Variants in C14orf132 observed in about 807,000 individuals in gnomAD.
C14orf132 encodes the protein uncharacterized protein C14orf132.
A neutral mutation model predicts 5.8 loss-of-function variants in C14orf132; 6 were observed. The ratio of observed to expected loss-of-function variants is 1.03; its 90% CI spans 0.57 to 2.04. C14orf132 has a LOEUF of 2.04. Ranked by LOEUF, C14orf132 falls within the 30% of genes most tolerant of loss-of-function variation. C14orf132 has a pLI of 0.00. For missense variants in C14orf132, 125 were observed against 115.8 expected (o/e 1.08, Z -0.37); for synonymous variants, 51 against 49.8 (o/e 1.02, Z -0.10).
intron 1 of C14orf132, among the ~76,000 whole-genome samples, chr14:96,057,981 C>CTTG (rs1887230714): frequency 2.0e-5 from 3 of 152,230 alleles, no homozygotes; most frequent in South Asian, 4.1e-4. Flanking sequence ...TAACGCCTGC[C>CTTG]TTGCTGTGTG....
intron 1 of C14orf132, among the ~76,000 whole-genome samples, chr14:96,077,744 T>C (rs1261657727): frequency 6.6e-6 from 1 of 152,228 alleles, no homozygotes; most frequent in African/African-American, 2.4e-5. Context: ...TTTGGCAGTT[T>C]GGGTCTGGTC....
At chr14:96,065,622 T>TC (rs1887508453) in intron 1 of C14orf132, among the ~76,000 whole-genome samples, 1 of 151,654 alleles carries the variant, frequency 6.6e-6, no homozygotes, top group African/African-American at 2.4e-5. Flanking sequence ...CATAGTTTTT[T>TC]TCTTGGTACC....
intron 1 of C14orf132, among the ~76,000 whole-genome samples, chr14:96,053,897 G>A (rs759087108): frequency 6.6e-6 from 1 of 152,176 alleles, no homozygotes; most frequent in South Asian, 2.1e-4. Flanking sequence ...ACACTAAAGC[G>A]TCTGTCGCAT....
intron 1 of C14orf132, chr14:96,051,060 T>C (rs2139648680): frequency 2.5e-6 from 1 of 397,608 alleles, no homozygotes; most frequent in Non-Finnish European, 4.4e-6. Context: ...CCAGCCAGCA[T>C]TTCTCTTTCT....
At chr14:96,069,290 T>C (rs1379395453) in intron 1 of C14orf132, among the ~76,000 whole-genome samples, 1 of 133,692 alleles carries the variant, frequency 7.5e-6, no homozygotes, top group Non-Finnish European at 1.6e-5. Context: ...TATATATATA[T>C]ATATATATAT....
chr14:96,081,868 G>A (rs1888040683), intron 1 of C14orf132, among the ~76,000 whole-genome samples: 1 of 152,094 alleles, frequency 6.6e-6, no homozygotes, highest in Non-Finnish European at 1.5e-5. Flanking sequence ...CCAAAGTGCT[G>A]GGATTACAGG....
At chr14:96,081,347 G>A (rs1239733117) in intron 1 of C14orf132, among the ~76,000 whole-genome samples, 2 of 152,164 alleles carry the variant, frequency 1.3e-5, no homozygotes, top group Non-Finnish European at 2.9e-5. Flanking sequence ...TTTTAACTGA[G>A]AAACCTCTGC....
intron 1 of C14orf132, among the ~76,000 whole-genome samples, chr14:96,060,031 C>T (rs543365406): frequency 6.6e-6 from 1 of 152,308 alleles, no homozygotes; most frequent in South Asian, 2.1e-4. Flanking sequence ...TGGGATGCCC[C>T]CCTCCCCTCC....
chr14:96,077,636 C>A (rs1284888299), intron 1 of C14orf132, among the ~76,000 whole-genome samples: 1 of 152,198 alleles, frequency 6.6e-6, no homozygotes. Context: ...GGATGTAAAT[C>A]TCTGCTGTTT....
chr14:96,070,839 G>A (rs1887688201), intron 1 of C14orf132, among the ~76,000 whole-genome samples: 1 of 152,100 alleles, frequency 6.6e-6, no homozygotes, highest in Admixed American at 6.5e-5. Context: ...GGGTGCACCT[G>A]CATCACCTTA....
At chr14:96,057,166 T>C (rs901103226) in intron 1 of C14orf132, among the ~76,000 whole-genome samples, 10 of 152,220 alleles carry the variant, frequency 6.6e-5, no homozygotes, top group Admixed American at 5.9e-4. Context: ...AATGGGCTTT[T>C]AGGAAGTGAT....
intron 1 of C14orf132, among the ~76,000 whole-genome samples, chr14:96,042,446 G>T (rs1401304999): frequency 3.2e-4 from 49 of 152,304 alleles, no homozygotes; most frequent in Non-Finnish European, 1.5e-5. Context: ...GGATTCCTGG[G>T]GCTGGGCATG....
intron 1 of C14orf132, among the ~76,000 whole-genome samples, chr14:96,052,663 T>C (rs1365295970): frequency 6.6e-6 from 1 of 152,158 alleles, no homozygotes; most frequent in African/African-American, 2.4e-5. Context: ...ATTATGACTT[T>C]CCCCAAGGCC....
Position 96,077,862 on chromosome 14 carries a change from T to C in C14orf132, c.28-8649T>C, listed in dbSNP as rs1440158897. On this transcript the variant is annotated intron_variant, in intron 1 of 1. Coordinates refer to ENST00000555004, the MANE Select transcript of C14orf132 (RefSeq NM_001252507.3). ...CTCGACATGGCAGGGGTTTGCACCA[T>C]AGTTCAGTTATCAGAGCCTTTACTG... is the stretch of plus-strand genomic sequence containing the variant. Among the ~76,000 whole-genome samples the C allele has an allele frequency of 5.3e-5, 8 of 152,376 alleles. No homozygotes were observed. The South Asian group carries it at 6.2e-4, about 12-fold the overall frequency.
At chr14:96,073,251 G>C (rs148091892) in intron 1 of C14orf132, among the ~76,000 whole-genome samples, 5 of 152,096 alleles carry the variant, frequency 3.3e-5, no homozygotes, top group Non-Finnish European at 7.4e-5. Context: ...ACCTTTTCAA[G>C]TGTTTATTTG....
chr14:96,057,892 G>A (rs376853922), intron 1 of C14orf132, among the ~76,000 whole-genome samples: 16 of 152,194 alleles, frequency 1.1e-4, no homozygotes, highest in Admixed American at 5.2e-4. Flanking sequence ...GGTTCCTGTC[G>A]CGGAGGTTGG....
intron 1 of C14orf132, among the ~76,000 whole-genome samples, chr14:96,061,737 C>T (rs114708929): frequency 1.3e-5 from 2 of 151,898 alleles, no homozygotes; most frequent in Non-Finnish European, 2.9e-5. Flanking sequence ...CCAGACAGGG[C>T]GGGTCTCTAC....
At chr14:96,049,653 T>TATACGTATATATATATATATAGAG (rs371381526) in intron 1 of C14orf132, among the ~76,000 whole-genome samples, 2 of 82,282 alleles carry the variant, frequency 2.4e-5, no homozygotes, top group Admixed American at 1.3e-4. Flanking sequence ...TATATATATA[T>TATACGTATATATATATATATAGAG]AGAGAGAGAG....
intron 1 of C14orf132, among the ~76,000 whole-genome samples, chr14:96,044,391 G>C (rs1021258378): frequency 6.6e-6 from 1 of 152,174 alleles, no homozygotes; most frequent in East Asian, 1.9e-4. Flanking sequence ...TATTGCCCAG[G>C]CAGGTCTAGA....
Sources: gnomAD v4.1 joint callset for allele counts (sites outside exome capture counted in the v4.1 genomes callset) on GRCh38, gnomAD v4.1.1 for gene constraint, MANE v1.5 for transcripts, NCBI Gene and HGNC (gene_info 2026-07-23, HGNC 2026-07-21) for gene names.